The following PVR variants were observed in gnomAD, a reference collection of about 807,000 sequenced individuals.
The protein encoded by PVR is PVR cell adhesion molecule.
A neutral mutation model predicts 43.3 loss-of-function variants in PVR; 39 were observed. The observed-to-expected ratio is 0.90, with a 90% CI of 0.70 to 1.18. The LOEUF (loss-of-function observed/expected upper bound fraction) is 1.18, where lower values mean the gene tolerates loss of function less well. Among genes scored for constraint, PVR ranks in the 50% most tolerant of loss-of-function variants. PVR has a pLI of 0.00. For missense variants in PVR, 480 were observed against 549.7 expected (o/e 0.87, Z 1.27); for synonymous variants, 224 against 233.2 (o/e 0.96, Z 0.36).
At chr19:44,656,601 G>A (rs569707687) in intron 4 of PVR, among the ~76,000 whole-genome samples, 1 of 152,304 alleles carries the variant, frequency 6.6e-6, no homozygotes, top group East Asian at 1.9e-4. Context: ...TTCTAGTGGT[G>A]AAAGAAACAA....
At position 44,657,862 on chromosome 19, in the gene PVR, A is replaced by C; in HGVS notation, c.943A>C (p.Thr315Pro). The C allele has an allele frequency of 6.2e-7, 1 of 1,613,972 alleles. No individual in the cohort carries two copies. The highest frequency in any genetic ancestry group is 8.5e-7 in the Non-Finnish European group (1 of 1,179,952). ...PINTTLICNV[T>P]NALGARQAEL... Reference sequence around the variant, plus strand: ...CAACACAACTTTAATCTGCAACGTCACCAATGCCCTAGGAGCTCGCCAGGC... The same window carrying C: ...CAACACAACTTTAATCTGCAACGTCCCCAATGCCCTAGGAGCTCGCCAGGC... Residue 315 changes from threonine to proline, a missense_variant, in exon 5 of 8, where the codon ACC becomes CCC. By Grantham distance (38) the Thr-to-Pro change is conservative. Coordinates refer to ENST00000425690, the MANE Select transcript of PVR (RefSeq NM_006505.5).
intron 1 of PVR, among the ~76,000 whole-genome samples, chr19:44,646,960 T>C (rs562162407): frequency 8.5e-5 from 13 of 152,222 alleles, no homozygotes; most frequent in Non-Finnish European, 1.0e-4. Flanking sequence ...GGAAATACGG[T>C]AATAATAGAA....
At chr19:44,654,511 G>A (rs1197604399) in intron 4 of PVR, among the ~76,000 whole-genome samples, 1 of 152,174 alleles carries the variant, frequency 6.6e-6, no homozygotes, top group Non-Finnish European at 1.5e-5. Flanking sequence ...CTGCTTTTTG[G>A]GGTGTGCCTG....
intron 1 of PVR, among the ~76,000 whole-genome samples, 168 bp from the exon 2 acceptor site, chr19:44,647,055 T>TG (rs1269294338): frequency 3.3e-5 from 5 of 152,160 alleles, no homozygotes; most frequent in Non-Finnish European, 5.9e-5. Context: ...TCGCCTGCCA[T>TG]GGCCCCAACT....
At chr19:44,644,208 G>T in intron 1 of PVR, 33 bp downstream of exon 1, 3 of 1,450,334 alleles carry the variant, frequency 2.1e-6, no homozygotes, top group Non-Finnish European at 2.7e-6. Context: ...GGTGGCCCCT[G>T]TCTGGCTCCC....
At position 44,663,922 on chromosome 19, in the gene PVR, T is replaced by C. The variant is rs1367156112; in HGVS notation, c.*2111T>C. On this transcript the variant is annotated 3_prime_UTR_variant, in exon 8 of 8. Transcript: ENST00000425690. ...GCTGCCCCTCACCATGCTAAGCTAATTTTTTTAATTAGATAGTACATAAAC... is the reference window on the plus strand; with the variant it reads ...GCTGCCCCTCACCATGCTAAGCTAACTTTTTTAATTAGATAGTACATAAAC... 1.3e-5 allele frequency among the ~76,000 whole-genome samples: 2 copies of C among 152,030 alleles called. No homozygotes were observed. The highest frequency in any genetic ancestry group is 4.8e-5 in the African/African-American group (2 of 41,378).
intron 3 of PVR, chr19:44,653,606 A>G (rs1282552042): frequency 6.3e-6 from 2 of 318,314 alleles, no homozygotes; most frequent in Non-Finnish European, 1.2e-5. Flanking sequence ...TGAGTGAGAA[A>G]AGGAGGAGGC....
In PVR at chr19:44,650,122, C is replaced by A; in HGVS notation, c.724+17C>A. 6.6e-7 allele frequency: 1 copy of A among 1,509,212 alleles called. No individual in the cohort carries two copies. The highest frequency in any genetic ancestry group is 1.3e-5 in the South Asian group (1 of 75,374). The allele number at this position is 1,509,212 out of a possible 1,614,324, so 93.5% of individuals were successfully genotyped here. A position where few individuals can be genotyped will look rare whatever the true frequency, so the allele number is the denominator to read the frequency against. ...CCGTGTACTGTGAGTGTGCCCAAGT[C>A]AGCGATGGCAAGAACCCCTGCCGGG... On this transcript the variant is annotated intron_variant, in intron 3 of 7. Transcript: ENST00000425690.
chr19:44,650,144 C>T (rs370808173), intron 3 of PVR, 39 bp downstream of exon 3: 112 of 1,486,988 alleles, frequency 7.5e-5, no homozygotes, highest in African/African-American at 2.7e-4. Context: ...GAACCCCTGC[C>T]GGGCTGCCCC....
intron 3 of PVR, 189 bp from the exon 4 acceptor site, chr19:44,653,711 C>T: frequency 1.8e-6 from 1 of 566,030 alleles, no homozygotes; most frequent in Non-Finnish European, 3.2e-6. Context: ...TCCATGTCCC[C>T]ACTGACCAAG....
intron 1 of PVR, among the ~76,000 whole-genome samples, chr19:44,645,014 AAT>A (rs1190269388): frequency 5.3e-5 from 6 of 113,818 alleles, no homozygotes; most frequent in Non-Finnish European, 1.0e-4. Flanking sequence ...AAAAATATAT[AAT>A]ATATATTATA....
chr19:44,659,592 C>T (rs1049901644), intron 6 of PVR, among the ~76,000 whole-genome samples: 17 of 152,190 alleles, frequency 1.1e-4, no homozygotes, highest in African/African-American at 3.6e-4. Context: ...AAGCGATTCT[C>T]ATGCCTCAGC....
In PVR at chr19:44,653,965, C is replaced by A; in HGVS notation, c.790C>A (p.Leu264Met). 1 of 1,614,226 alleles carries A rather than the reference C, an allele frequency of 6.2e-7. No individual in the cohort carries two copies. Among genetic ancestry groups the A allele is most frequent in the South Asian group, 1.1e-5 (1 of 91,084 alleles). ...NWYLGQNEATLTCDARSNPEP... is the reference protein window; with the variant it reads ...NWYLGQNEATMTCDARSNPEP... The stretch of plus-strand genomic sequence containing the variant: ...GTACCTTGGCCAGAATGAGGCCACC[C>A]TGACCTGCGATGCTCGCAGCAACCC... Residue 264 changes from leucine (L) to methionine (M), a missense_variant, in exon 4 of 8, where the codon CTG becomes ATG. Transcript: ENST00000425690.
At chr19:44,647,655 T>TGGGA in intron 2 of PVR, 85 bp downstream of exon 2, 1 of 933,962 alleles carries the variant, frequency 1.1e-6, no homozygotes, top group South Asian at 1.6e-5. Flanking sequence ...CGGGGAGGCC[T>TGGGA]GGGAGGGAGG....
At position 44,644,137 on chromosome 19, in the gene PVR, T is replaced by C; in HGVS notation, c.41T>C (p.Val14Ala). ...GCCGCCGCGTGGCCGCTGCTGCTGG[T>C]GGCGCTACTGGTGCTGTCCTGGCCA... ...AMAAAWPLLL[V>A]ALLVLSWPPP... Residue 14 changes from valine to alanine, a missense_variant, in exon 1 of 8, where the codon GTG (valine) becomes GCG (alanine). Val to Ala is a moderately conservative substitution (Grantham distance 64). Coordinates refer to ENST00000425690, the MANE Select transcript of PVR (RefSeq NM_006505.5). The C allele has an allele frequency of 6.6e-7, 1 of 1,520,016 alleles. No individual in the cohort carries two copies. Among genetic ancestry groups the C allele is most frequent in the Non-Finnish European group, 8.8e-7 (1 of 1,139,276 alleles). 94.2% of individuals were successfully genotyped at this position (1,520,016 alleles called of 1,614,324 possible). A position where few individuals can be genotyped will look rare whatever the true frequency, so the allele number is the denominator to read the frequency against.
At chr19:44,651,084 TC>T (rs1973268863) in intron 3 of PVR, among the ~76,000 whole-genome samples, 1 of 152,102 alleles carries the variant, frequency 6.6e-6, no homozygotes, top group Admixed American at 6.6e-5. Context: ...CCCAGGCTGG[TC>T]TCAAACTCCT....
chr19:44,652,257 G>T (rs1395007058), intron 3 of PVR, among the ~76,000 whole-genome samples: 1 of 152,174 alleles, frequency 6.6e-6, no homozygotes, highest in African/African-American at 2.4e-5. Context: ...GGAGTGCAGT[G>T]GCACAGCTCC....
intron 3 of PVR, among the ~76,000 whole-genome samples, chr19:44,653,189 G>C (rs1356269901): frequency 1.3e-5 from 2 of 152,074 alleles, no homozygotes; most frequent in African/African-American, 4.8e-5. Context: ...CGACAATATA[G>C]CATCTGCTGT....
intron 1 of PVR, among the ~76,000 whole-genome samples, chr19:44,646,987 TAGCCAAAGTGA>T (rs1336067589): frequency 5.9e-5 from 9 of 152,148 alleles, no homozygotes; most frequent in African/African-American, 2.2e-4. Context: ...CGGTAATAAA[TAGCCAAAGTGA>T]AGGAGCACGG....
Sources: allele counts gnomAD v4.1 joint callset (sites outside exome capture counted in the v4.1 genomes callset), GRCh38; gene constraint gnomAD v4.1.1; transcripts MANE v1.5; gene names NCBI Gene and HGNC (gene_info 2026-07-23, HGNC 2026-07-21).